CADM2: variants seen among roughly 807,000 people sequenced by gnomAD.
CADM2 encodes cell adhesion molecule 2.
CADM2 carries 12 observed loss-of-function variants against 49.8 expected under a neutral mutation model. That is an observed-to-expected ratio of 0.24 (90% CI 0.15 to 0.39). CADM2 has a LOEUF of 0.39. CADM2 is among the 10% of genes least tolerant of loss of function. The pLI is 1.00. For synonymous variants in CADM2, 214 were observed against 175.4 expected, an observed-to-expected ratio of 1.22 and a Z score of -1.74; for missense variants, 378 against 492.3, an observed-to-expected ratio of 0.77 and a Z score of 2.20.
chr3:85,091,321 A>G (rs1310418020), intron 1 of CADM2, among the ~76,000 whole-genome samples: 1 of 152,188 alleles, frequency 6.6e-6, no homozygotes, highest in Non-Finnish European at 1.5e-5. Flanking sequence ...CGTAATCTGT[A>G]AAGAAACCCT....
In CADM2 at chr3:84,972,868, A is replaced by G. The variant is rs988635822; in HGVS notation, c.61+13200A>G. 3.3e-5 allele frequency among the ~76,000 whole-genome samples: 5 copies of G among 152,128 alleles called. No individual in the cohort carries two copies. In the South Asian group the frequency reaches 1.0e-3, roughly 31 times the overall value. ...TGTTGGCCACATAATAAACAAATCA[A>G]AATACATAATTCCTTTCTTAGTTTC... On this transcript the variant is annotated intron_variant, in intron 1 of 9. Coordinates refer to ENST00000383699, the MANE Select transcript of CADM2 (RefSeq NM_001167675.2).
At chr3:85,562,892 A>G (rs1449381) in intron 1 of CADM2, among the ~76,000 whole-genome samples, 77,902 of 152,016 alleles carry the variant, frequency 0.51, 23,037 homozygotes, top group East Asian at 0.85. Flanking sequence ...TACCTAATTT[A>G]TGAGTTAATA....
At chr3:86,045,180 A>C (rs1736500198) in intron 8 of CADM2, among the ~76,000 whole-genome samples, 2 of 152,216 alleles carry the variant, frequency 1.3e-5, no homozygotes, top group South Asian at 4.1e-4. Flanking sequence ...CACATTGTGC[A>C]CATGTACCCT....
chr3:85,343,880 A>G (rs2030232761), intron 1 of CADM2, among the ~76,000 whole-genome samples: 1 of 152,148 alleles, frequency 6.6e-6, no homozygotes, highest in South Asian at 2.1e-4. Flanking sequence ...TCAGTGTTTC[A>G]TTTAATTAAA....
chr3:85,234,621 T>C (rs2042371259), intron 1 of CADM2, among the ~76,000 whole-genome samples: 1 of 152,182 alleles, frequency 6.6e-6, no homozygotes, highest in African/African-American at 2.4e-5. Flanking sequence ...ATCTTCTCCA[T>C]ATGTTGTAAA....
At chr3:85,427,595 A>AT (rs1345537260) in intron 1 of CADM2, among the ~76,000 whole-genome samples, 1 of 152,118 alleles carries the variant, frequency 6.6e-6, no homozygotes, top group Non-Finnish European at 1.5e-5. Flanking sequence ...CACAGCAGGT[A>AT]TTGCTTGTGT....
intron 1 of CADM2, among the ~76,000 whole-genome samples, chr3:85,468,888 G>T (rs543665889): frequency 6.6e-6 from 1 of 152,294 alleles, no homozygotes; most frequent in Middle Eastern, 3.4e-3. Context: ...AGAATGTAGA[G>T]AACCCAGCTC....
intron 3 of CADM2, among the ~76,000 whole-genome samples, chr3:85,855,926 A>G (rs1350567531): frequency 2.0e-5 from 3 of 152,034 alleles, no homozygotes; most frequent in African/African-American, 4.8e-5. Flanking sequence ...ATGCCCGGCC[A>G]AAAAATATTT....
intron 1 of CADM2, among the ~76,000 whole-genome samples, chr3:85,078,146 G>A (rs1438162709): frequency 6.6e-6 from 1 of 151,974 alleles, no homozygotes; most frequent in Non-Finnish European, 1.5e-5. Flanking sequence ...GGGATAAATG[G>A]CTGGTAACTA....
chr3:85,610,465 A>G (rs2063654103), intron 1 of CADM2, among the ~76,000 whole-genome samples: 1 of 151,980 alleles, frequency 6.6e-6, no homozygotes, highest in African/African-American at 2.4e-5. Flanking sequence ...CAGGATAATG[A>G]GTGAAAATGA....
chr3:85,845,306 G>A (rs913447997), intron 3 of CADM2, among the ~76,000 whole-genome samples: 2 of 152,074 alleles, frequency 1.3e-5, no homozygotes, highest in African/African-American at 4.8e-5. Flanking sequence ...ATAGATAGCA[G>A]GACAGGCTGA....
intron 5 of CADM2, among the ~76,000 whole-genome samples, chr3:85,912,083 A>T (rs1205624727): frequency 1.3e-5 from 2 of 151,890 alleles, no homozygotes; most frequent in African/African-American, 4.8e-5. Context: ...AGCTGGGACT[A>T]CAGGTGCCCG....
intron 1 of CADM2, among the ~76,000 whole-genome samples, chr3:85,635,861 A>G (rs925571080): frequency 2.0e-5 from 3 of 152,180 alleles, no homozygotes; most frequent in African/African-American, 4.8e-5. Flanking sequence ...CATGTCCCTT[A>G]AGAGTATAAT....
chr3:85,575,231 T>C (rs1185959811), intron 1 of CADM2, among the ~76,000 whole-genome samples: 1 of 152,194 alleles, frequency 6.6e-6, no homozygotes, highest in Non-Finnish European at 1.5e-5. Context: ...TCAATGAAAA[T>C]GCATGAACTT....
At chr3:86,056,175 GA>G (rs1200000657) in intron 8 of CADM2, among the ~76,000 whole-genome samples, 1 of 152,164 alleles carries the variant, frequency 6.6e-6, no homozygotes, top group African/African-American at 2.4e-5. Flanking sequence ...ATGTCAGTGG[GA>G]AAGGAGGTGA....
chr3:85,646,557 A>G (rs1172806961), intron 1 of CADM2, among the ~76,000 whole-genome samples: 1 of 151,980 alleles, frequency 6.6e-6, no homozygotes, highest in East Asian at 1.9e-4. Context: ...TTTAGAGGAA[A>G]GTTGTTTCTC....
At chr3:85,906,844 A>G (rs1156553758) in intron 5 of CADM2, among the ~76,000 whole-genome samples, 1 of 152,212 alleles carries the variant, frequency 6.6e-6, no homozygotes, top group East Asian at 1.9e-4. Context: ...GTTTTGTAAA[A>G]TATCTTTGAG....
At chr3:85,066,543 A>T (rs1460449933) in intron 1 of CADM2, among the ~76,000 whole-genome samples, 1 of 151,568 alleles carries the variant, frequency 6.6e-6, no homozygotes, top group African/African-American at 2.4e-5. Context: ...ACCTGCACGC[A>T]CACACACACA....
chr3:85,219,800 G>C (rs371169381), intron 1 of CADM2, among the ~76,000 whole-genome samples: 21 of 152,084 alleles, frequency 1.4e-4, no homozygotes, highest in African/African-American at 4.8e-4. Flanking sequence ...TCACTTGACA[G>C]TCAAAGAGAG....
Sources: gnomAD v4.1 joint callset for allele counts (sites outside exome capture counted in the v4.1 genomes callset) on GRCh38, gnomAD v4.1.1 for gene constraint, MANE v1.5 for transcripts, NCBI Gene and HGNC (gene_info 2026-07-23, HGNC 2026-07-21) for gene names.